Variants in PATJ observed in about 807,000 individuals in gnomAD.
The protein encoded by PATJ is PATJ crumbs cell polarity complex component.
In PATJ, 190 loss-of-function variants were observed where a neutral mutation model predicts 224.9. The ratio of observed to expected loss-of-function variants is 0.84; its 90% CI spans 0.75 to 0.95. The LOEUF (loss-of-function observed/expected upper bound fraction) is 0.95. Ranked by LOEUF, PATJ falls within the 40% of genes least tolerant of loss-of-function variation. The probability of loss-of-function intolerance (pLI) is 0.00; values close to 1 mark genes in which losing one functional copy is unlikely to be tolerated. For missense variants in PATJ, 2,121 were observed against 2,270.3 expected, an observed-to-expected ratio of 0.93 and a Z score of 1.34; for synonymous variants, 769 against 820.3, an observed-to-expected ratio of 0.94 and a Z score of 1.07.
chr1:62,138,251 TAAAC>T (rs986514499), intron 41 of PATJ, among the ~76,000 whole-genome samples: 20 of 152,238 alleles, frequency 1.3e-4, no homozygotes, highest in Middle Eastern at 3.4e-3. Flanking sequence ...TACCTGCCCT[TAAAC>T]AACCACTCAA....
Position 62,114,261 on chromosome 1 carries a change from T to C in PATJ, c.4655+15T>C. 1 of 1,611,296 alleles carries C rather than the reference T, an allele frequency of 6.2e-7. No individual in the cohort carries two copies. The highest frequency in any genetic ancestry group is 8.5e-7 in the Non-Finnish European group (1 of 1,178,644). On this transcript the variant is annotated intron_variant, in intron 35 of 43. Transcript: ENST00000642238. ...GTTGGGAAACGGTAAAGACGTGCTGTGGGAGTTGGGATCTGCCTTTTTCAT... is the reference window on the plus strand; with the variant it reads ...GTTGGGAAACGGTAAAGACGTGCTGCGGGAGTTGGGATCTGCCTTTTTCAT...
intron 9 of PATJ, among the ~76,000 whole-genome samples, chr1:61,794,196 C>A (rs528940041): frequency 6.6e-6 from 1 of 152,174 alleles, no homozygotes; most frequent in African/African-American, 2.4e-5. Context: ...GCCACTGTGC[C>A]CGGACTTTTT....
chr1:61,988,200 AAAAATAAAAT>A (rs560154179), intron 27 of PATJ, among the ~76,000 whole-genome samples: 21 of 152,202 alleles, frequency 1.4e-4, no homozygotes, highest in Non-Finnish European at 2.8e-4. Flanking sequence ...CTTCATCTCA[AAAAATAAAAT>A]AAAATAAAAT....
intron 41 of PATJ, among the ~76,000 whole-genome samples, chr1:62,130,627 G>A (rs1238456893): frequency 1.3e-5 from 2 of 151,594 alleles, no homozygotes; most frequent in African/African-American, 4.8e-5. Context: ...TGAGGCGGGC[G>A]GATCACGAGG....
chr1:61,876,858 C>T (rs1042255515), intron 21 of PATJ, among the ~76,000 whole-genome samples: 3 of 152,054 alleles, frequency 2.0e-5, no homozygotes, highest in Non-Finnish European at 4.4e-5. Context: ...TTTGGTTAAT[C>T]CAAAATTGTG....
At chr1:62,113,853 C>T (rs1026699118) in intron 34 of PATJ, among the ~76,000 whole-genome samples, 200 bp from the exon 35 acceptor site, 40 of 152,148 alleles carry the variant, frequency 2.6e-4, no homozygotes, top group African/African-American at 9.7e-4. Flanking sequence ...CCTTTGTGCA[C>T]ATGTTGGGTA....
At position 62,106,158 on chromosome 1, in the gene PATJ, G is replaced by GTGTATATATATATATA. The variant is rs1356937495; in HGVS notation, c.4378-2278_4378-2277insGTATATATATATATAT. Among the ~76,000 whole-genome samples, 20 of 48,058 alleles carry GTGTATATATATATATA rather than the reference G, an allele frequency of 4.2e-4. 1 individual carries two copies. The highest frequency in any genetic ancestry group is 1.1e-3 in the South Asian group (1 of 930). 31.5% of individuals were successfully genotyped at this position (48,058 alleles called of 152,430 possible). A position where few individuals can be genotyped will look rare whatever the true frequency, so the allele number is the denominator to read the frequency against. ...TACATGTGTATATGTGTGTGTGTGT[G>GTGTATATATATATATA]TATATATATATATATATATATATAT... On this transcript the variant is annotated intron_variant, in intron 33 of 43. Transcript: ENST00000642238.
At chr1:61,956,575 G>A (rs1680468591) in intron 27 of PATJ, among the ~76,000 whole-genome samples, 2 of 152,150 alleles carry the variant, frequency 1.3e-5, no homozygotes, top group Admixed American at 1.3e-4. Context: ...TAGTTTCTAG[G>A]TTCTGTCATC....
chr1:62,000,721 G>A (rs936452330), intron 28 of PATJ, among the ~76,000 whole-genome samples: 9 of 150,828 alleles, frequency 6.0e-5, no homozygotes, highest in African/African-American at 2.2e-4. Context: ...CCAGTAATGG[G>A]ATGGCTGGGT....
At chr1:62,128,693 T>A in intron 40 of PATJ, 148 bp from the exon 41 acceptor site, 1 of 568,322 alleles carries the variant, frequency 1.8e-6, no homozygotes, top group South Asian at 2.7e-5. Context: ...AAATTCCTCA[T>A]GCTTCTTGAA....
chr1:61,805,497 C>T lies in PATJ; in HGVS notation c.1599C>T (p.Asn533=). 6.2e-7 allele frequency: 1 copy of T among 1,601,838 alleles called. No homozygotes were observed. Among genetic ancestry groups the T allele is most frequent in the Non-Finnish European group, 8.6e-7 (1 of 1,169,062 alleles). ...ATGAGCTGAAATCCAGATGGGAAAACCTGTTGGGTCCTGATTATGAAGTAA... is the reference window on the plus strand; with the variant it reads ...ATGAGCTGAAATCCAGATGGGAAAATCTGTTGGGTCCTGATTATGAAGTAA... ...PENELKSRWE[N]LLGPDYEVMV... is the part of the protein sequence containing the mutation. Residue 533 remains asparagine, a synonymous_variant, in exon 13 of 44, where the codon AAC becomes AAT. Transcript: ENST00000642238.
intron 39 of PATJ, among the ~76,000 whole-genome samples, chr1:62,127,239 A>G (rs891987610): frequency 6.6e-6 from 1 of 152,200 alleles, no homozygotes; most frequent in Non-Finnish European, 1.5e-5. Flanking sequence ...CACACAGCCC[A>G]AGGCTGGACA....
At chr1:61,838,521 ATTTTTTTT>A (rs34877280) in intron 17 of PATJ, among the ~76,000 whole-genome samples, 6 of 115,556 alleles carry the variant, frequency 5.2e-5, no homozygotes, top group African/African-American at 1.4e-4. Context: ...CGCCTGGCTA[ATTTTTTTT>A]TTTTTTTTTT....
chr1:62,038,190 G>A, intron 30 of PATJ, 141 bp downstream of exon 30: 1 of 469,804 alleles, frequency 2.1e-6, no homozygotes, highest in Non-Finnish European at 3.9e-6. Flanking sequence ...AAAGTATTGA[G>A]GTATTGATTA....
intron 28 of PATJ, chr1:62,013,522 C>G (rs1285316813): frequency 2.0e-6 from 2 of 984,670 alleles, no homozygotes; most frequent in African/African-American, 3.5e-5. Flanking sequence ...GAGCTCCACT[C>G]AGTTCAGTAG....
At chr1:61,986,921 A>G (rs1197733488) in intron 27 of PATJ, among the ~76,000 whole-genome samples, 1 of 150,580 alleles carries the variant, frequency 6.6e-6, no homozygotes, top group Non-Finnish European at 1.5e-5. Context: ...TTTGCTATGT[A>G]TTTTTCCAAT....
At chr1:61,808,224 G>A (rs1266256285) in intron 13 of PATJ, among the ~76,000 whole-genome samples, 1 of 152,012 alleles carries the variant, frequency 6.6e-6, no homozygotes, top group Non-Finnish European at 1.5e-5. Flanking sequence ...GTATATATAT[G>A]TGCCCATCAC....
At chr1:62,030,215 G>A (rs754550364) in intron 29 of PATJ, among the ~76,000 whole-genome samples, 2 of 152,184 alleles carry the variant, frequency 1.3e-5, no homozygotes, top group African/African-American at 2.4e-5. Flanking sequence ...AATAGCAACC[G>A]AGGATGTAGC....
intron 36 of PATJ, among the ~76,000 whole-genome samples, 171 bp downstream of exon 36, chr1:62,116,850 C>A (rs1664493844): frequency 6.6e-6 from 1 of 152,178 alleles, no homozygotes; most frequent in Admixed American, 6.5e-5. Context: ...AAAGAAAGTT[C>A]TGTTATATTG....
Sources: allele counts gnomAD v4.1 joint callset (sites outside exome capture counted in the v4.1 genomes callset), GRCh38; gene constraint gnomAD v4.1.1; transcripts MANE v1.5; gene names NCBI Gene and HGNC (gene_info 2026-07-23, HGNC 2026-07-21).